Variants in CHST9 observed in about 807,000 individuals in gnomAD.
CHST9 encodes the protein carbohydrate sulfotransferase 9.
In CHST9, 41 loss-of-function variants were observed where a neutral mutation model predicts 44.4. The ratio of observed to expected loss-of-function variants is 0.92; its 90% confidence interval spans 0.72 to 1.20. The LOEUF is 1.20. CHST9 is among the 50% of genes most tolerant of loss of function. The pLI, the probability that CHST9 is intolerant of heterozygous loss-of-function variation, is 0.00. For missense variants in CHST9, 504 were observed against 516.5 expected (o/e 0.98, Z 0.23); for synonymous variants, 171 against 178.4 (o/e 0.96, Z 0.33).
rs144174774 is a variant in CHST9, at chr18:26,974,967, G to C, written c.203-30601C>G. 2.7e-3 allele frequency among the ~76,000 whole-genome samples: 407 copies of C among 152,268 alleles called. 1 individual carries two copies. Among genetic ancestry groups the C allele is most frequent in the African/African-American group, 9.4e-3 (392 of 41,542 alleles). On this transcript the variant is annotated intron_variant, in intron 4 of 5. Transcript: ENST00000618847. ...TGGGATTACAGGCATGAGCCACTGCGCCCAGCCCAGGCGTACTTATTTTCA... is the reference window on the plus strand; with the variant it reads ...TGGGATTACAGGCATGAGCCACTGCCCCCAGCCCAGGCGTACTTATTTTCA...
intron 4 of CHST9, among the ~76,000 whole-genome samples, chr18:27,012,303 C>T (rs561182833): frequency 1.3e-5 from 2 of 151,720 alleles, no homozygotes; most frequent in Non-Finnish European, 2.9e-5. Context: ...ATAATGTAGT[C>T]GATTAACATA....
chr18:27,098,828 G>GAAA (rs56011064), intron 2 of CHST9, among the ~76,000 whole-genome samples: 38 of 141,244 alleles, frequency 2.7e-4, no homozygotes, highest in African/African-American at 3.8e-4. Context: ...CACAGAACTG[G>GAAA]AAAAAAAAAA....
intron 2 of CHST9, among the ~76,000 whole-genome samples, chr18:27,070,237 A>T (rs980745405): frequency 6.6e-6 from 1 of 152,212 alleles, no homozygotes; most frequent in African/African-American, 2.4e-5. Flanking sequence ...AATATAATGC[A>T]CTGGGCTTGG....
intron 4 of CHST9, among the ~76,000 whole-genome samples, chr18:26,987,345 T>C (rs2056765992): frequency 6.6e-6 from 1 of 152,144 alleles, no homozygotes; most frequent in Non-Finnish European, 1.5e-5. Flanking sequence ...GCCAGTGTCA[T>C]GTGCTTTAAC....
At chr18:27,138,527 AAGGCACAAGC>A in intron 2 of CHST9, among the ~76,000 whole-genome samples, 1 of 152,214 alleles carries the variant, frequency 6.6e-6, no homozygotes, top group Middle Eastern at 3.4e-3. Flanking sequence ...TTACTCAGTC[AAGGCACAAGC>A]TTGGGCACAA....
chr18:26,973,503 TGCA>T (rs769271179), intron 4 of CHST9, among the ~76,000 whole-genome samples: 1 of 152,222 alleles, frequency 6.6e-6, no homozygotes, highest in Non-Finnish European at 1.5e-5. Flanking sequence ...ACCTGCGGCC[TGCA>T]GGCGGCATGC....
At chr18:26,935,635 T>C (rs1320932679) in intron 5 of CHST9, 1 of 152,210 alleles carries the variant, frequency 6.6e-6, no homozygotes, top group African/African-American at 2.4e-5. Context: ...TATCCAGTAA[T>C]GATAAAAATA....
At chr18:26,973,290 G>A (rs1403797155) in intron 4 of CHST9, among the ~76,000 whole-genome samples, 4 of 152,174 alleles carry the variant, frequency 2.6e-5, no homozygotes, top group South Asian at 4.1e-4. Context: ...CTTGTTCTGT[G>A]TGGAAATTCC....
Position 27,142,912 on chromosome 18 carries a change from T to C in CHST9, c.-96-7A>G. ...CCCAATTCCATAAAGTAACCTAGAA[T>C]TTTAAAAAGAAATCTACATTGTACA... On this transcript the variant is annotated splice_polypyrimidine_tract_variant and splice_region_variant and intron_variant, in intron 1 of 5. Coordinates refer to ENST00000618847, the MANE Select transcript of CHST9 (RefSeq NM_031422.6). The C allele has an allele frequency of 9.2e-7, 1 of 1,083,180 alleles. No homozygotes were observed. The highest frequency in any genetic ancestry group is 2.1e-4 in the Middle Eastern group (1 of 4,746). 67.1% of individuals were successfully genotyped at this position (1,083,180 alleles called of 1,614,324 possible).
chr18:26,919,843 G>C (rs2055614659), intron 5 of CHST9, among the ~76,000 whole-genome samples: 1 of 152,100 alleles, frequency 6.6e-6, no homozygotes, highest in Non-Finnish European at 1.5e-5. Context: ...CCAACACTCT[G>C]TGTCTCTTGC....
chr18:27,018,858 G>T (rs1303555537), intron 4 of CHST9, among the ~76,000 whole-genome samples: 1 of 152,128 alleles, frequency 6.6e-6, no homozygotes, highest in African/African-American at 2.4e-5. Flanking sequence ...GAATGGGCCT[G>T]CCAGATATGG....
chr18:26,920,418 T>A (rs1032022773), intron 5 of CHST9, among the ~76,000 whole-genome samples: 2 of 152,198 alleles, frequency 1.3e-5, no homozygotes, highest in South Asian at 4.1e-4. Flanking sequence ...TTTCAAAATA[T>A]TTCCTGCAGA....
At chr18:26,982,352 T>C (rs1338380601) in intron 4 of CHST9, among the ~76,000 whole-genome samples, 1 of 151,994 alleles carries the variant, frequency 6.6e-6, no homozygotes, top group African/African-American at 2.4e-5. Context: ...TTTTTTTTTT[T>C]TTTGCCCTCT....
At chr18:27,095,449 T>C (rs2058107632) in intron 2 of CHST9, among the ~76,000 whole-genome samples, 1 of 152,044 alleles carries the variant, frequency 6.6e-6, no homozygotes, top group Non-Finnish European at 1.5e-5. Flanking sequence ...AATATTAACT[T>C]TGAATGTAAA....
At position 27,081,097 on chromosome 18, in the gene CHST9, A is replaced by G. The variant is rs146389406; in HGVS notation, c.122-32594T>C. On this transcript the variant is annotated intron_variant, in intron 2 of 5. Transcript: ENST00000618847. ...GCAGAATGTTGGTGAATATATTCAG[A>G]GGGACCCTAGGTGGGGGCACTTTTT... 4.9e-3 allele frequency among the ~76,000 whole-genome samples: 740 copies of G among 152,320 alleles called. 5 individuals are homozygous for G. Among genetic ancestry groups the G allele is most frequent in the African/African-American group, 0.017 (719 of 41,566 alleles).
At chr18:27,076,574 C>A (rs1328380006) in intron 2 of CHST9, among the ~76,000 whole-genome samples, 4 of 152,194 alleles carry the variant, frequency 2.6e-5, no homozygotes, top group African/African-American at 9.7e-5. Flanking sequence ...TACTTCCCTA[C>A]CAACTCCTAT....
rs1385921612 is a variant in CHST9, at chr18:26,907,658, G to C, written c.*8601C>G. ...AAAGGACACTTCAGGTCGTGTAATAGTGTGAGCAAAATAGGGGAAAAAGCA... is the reference window on the plus strand; with the variant it reads ...AAAGGACACTTCAGGTCGTGTAATACTGTGAGCAAAATAGGGGAAAAAGCA... On this transcript the variant is annotated 3_prime_UTR_variant, in exon 6 of 6. Coordinates refer to ENST00000618847, the MANE Select transcript of CHST9 (RefSeq NM_031422.6). The C allele has an allele frequency of 6.5e-6, 1 of 152,878 alleles. No homozygotes were observed. The highest frequency in any genetic ancestry group is 2.4e-5 in the African/African-American group (1 of 41,450). The allele number at this position is 152,878 out of a possible 1,614,324, so 9.5% of individuals were successfully genotyped here. A position where few individuals can be genotyped will look rare whatever the true frequency, so the allele number is the denominator to read the frequency against.
intron 5 of CHST9, among the ~76,000 whole-genome samples, chr18:26,941,976 C>T (rs921983356): frequency 6.6e-6 from 1 of 151,906 alleles, no homozygotes. Context: ...AGAAAAGACT[C>T]GATTTTCAAT....
intron 4 of CHST9, among the ~76,000 whole-genome samples, chr18:26,983,440 C>T (rs1192490991): frequency 6.6e-6 from 1 of 152,032 alleles, no homozygotes; most frequent in Non-Finnish European, 1.5e-5. Context: ...TATTTCGCCC[C>T]CAACTCACTC....
Sources: gnomAD v4.1 joint callset for allele counts (sites outside exome capture counted in the v4.1 genomes callset) on GRCh38, gnomAD v4.1.1 for gene constraint, MANE v1.5 for transcripts, NCBI Gene and HGNC (gene_info 2026-07-23, HGNC 2026-07-21) for gene names.